The following TNFRSF14 variants were observed in gnomAD, a reference collection of about 807,000 sequenced individuals.
The protein encoded by TNFRSF14 is TNF receptor superfamily member 14.
Under a neutral mutation model 34.1 loss-of-function variants are expected in TNFRSF14, and 18 were observed. That is an observed-to-expected ratio of 0.53 (90% CI 0.36 to 0.78). The LOEUF is 0.78. Among genes scored for constraint, TNFRSF14 ranks in the 30% least tolerant of loss-of-function variants. TNFRSF14 has a pLI of 0.00. For synonymous variants in TNFRSF14, 157 were observed against 153.2 expected, an observed-to-expected ratio of 1.02 and a Z score of -0.18; for missense variants, 352 against 379.5, an observed-to-expected ratio of 0.93 and a Z score of 0.60.
At position 2,562,905 on chromosome 1, in the gene TNFRSF14, C is replaced by G. The variant is rs762418006; in HGVS notation, c.726+9C>G. 1 of 1,612,770 alleles carries G rather than the reference C, an allele frequency of 6.2e-7. No individual in the cohort carries two copies. Among genetic ancestry groups the G allele is most frequent in the Non-Finnish European group, 8.5e-7 (1 of 1,179,140 alleles). ...TGATCGTCTCCGTCCAGGTATTGAT[C>G]CTCCTCCCCCTCTCCCTCCCCCCTC... On this transcript the variant is annotated intron_variant, in intron 7 of 7. Coordinates refer to ENST00000355716, the MANE Select transcript of TNFRSF14 (RefSeq NM_003820.4).
rs1347258296 is a variant in TNFRSF14 at position 2,558,773 on chromosome 1, G to A, written c.304+305G>A. ...CGGGGTGGGTGCCCAGACCTCTCCT[G>A]TGCCCACGTCCCTAGCTGCAAAGTG... is the stretch of plus-strand genomic sequence containing the variant. On this transcript the variant is annotated intron_variant, in intron 3 of 7. Transcript: ENST00000355716. 8 of 1,294,140 alleles carry A rather than the reference G, an allele frequency of 6.2e-6. No homozygotes were observed. The Admixed American group carries it at 9.1e-5, about 15-fold the overall frequency. The allele number at this position is 1,294,140 out of a possible 1,614,324, so 80.2% of individuals were successfully genotyped here.
chr1:2,563,378 G>A lies in TNFRSF14; in HGVS notation c.*105G>A, dbSNP rs1041301646. 8.5e-6 allele frequency: 13 copies of A among 1,535,144 alleles called. No individual in the cohort carries two copies. Among genetic ancestry groups the A allele is most frequent in the South Asian group, 4.9e-5 (4 of 81,108 alleles). Reference sequence around the variant, plus strand: ...CGGAGCCCGGAGGCTTGGGGGCTCCGCCCTGGGCTGGCTTCCGTCTCCTCC... The same window carrying A: ...CGGAGCCCGGAGGCTTGGGGGCTCCACCCTGGGCTGGCTTCCGTCTCCTCC... On this transcript the variant is annotated 3_prime_UTR_variant, in exon 8 of 8. Coordinates refer to ENST00000355716, the MANE Select transcript of TNFRSF14 (RefSeq NM_003820.4).
At position 2,561,737 on chromosome 1, in the gene TNFRSF14, C is replaced by G. The variant is rs1329796210; in HGVS notation, c.616C>G (p.Leu206Val). 6.2e-7 allele frequency: 1 copy of G among 1,613,552 alleles called. No homozygotes were observed. Among genetic ancestry groups the G allele is most frequent in the Non-Finnish European group, 8.5e-7 (1 of 1,180,004 alleles). Residue 206 changes from leucine (L) to valine (V), a missense_variant, in exon 6 of 8, where the codon CTC becomes GTC. Transcript: ENST00000355716. The surrounding 1 kb of genome is among the most constrained non-coding windows in gnomAD (Gnocchi z 6.0). ...CAGCTCCCACTGGGTATGGTGGTTTCTCTCAGGGAGCCTCGTCATCGTCAT... is the reference window on the plus strand; with the variant it reads ...CAGCTCCCACTGGGTATGGTGGTTTGTCTCAGGGAGCCTCGTCATCGTCAT... ...TSSSHWVWWF[L>V]SGSLVIVIVC...
At chr1:2,556,842 C>A (rs761892992) in intron 1 of TNFRSF14, 109 bp downstream of exon 1, 2 of 1,131,402 alleles carry the variant, frequency 1.8e-6, no homozygotes, top group Non-Finnish European at 2.5e-6. Flanking sequence ...CTGGCTCCGG[C>A]GTCCAGCCCG....
chr1:2,558,832 C>T, intron 3 of TNFRSF14: 2 of 1,321,796 alleles, frequency 1.5e-6, no homozygotes, highest in Non-Finnish European at 2.0e-6. Context: ...CCGGCCGGCA[C>T]TCGGGCCTGC....
chr1:2,560,631 GAGTC>G lies in TNFRSF14; in HGVS notation c.471_474del (p.Ser157ArgfsTer32). 6.2e-7 allele frequency: 1 copy of G among 1,613,216 alleles called. No individual in the cohort carries two copies. The highest frequency in any genetic ancestry group is 8.5e-7 in the Non-Finnish European group (1 of 1,179,802). ...CCGTCCCTCTCTTCTCAGGCACCGA[GAGTC>G]AGGACACCCTGTGTCAGAACTGCCC... On this transcript the variant is annotated frameshift_variant, in exon 5 of 8. Coordinates refer to ENST00000355716, the MANE Select transcript of TNFRSF14 (RefSeq NM_003820.4). LOFTEE classifies it high-confidence loss of function.
intron 2 of TNFRSF14, 41 bp from the exon 3 acceptor site, chr1:2,558,302 C>A: frequency 6.4e-7 from 1 of 1,571,520 alleles, no homozygotes. Flanking sequence ...CCCGAAGGGG[C>A]CTCCCGCAGA....
chr1:2,563,219 G>T lies in TNFRSF14; in HGVS notation c.798G>T (p.Thr266=), dbSNP rs780319349. 1 of 1,613,362 alleles carries T rather than the reference G, an allele frequency of 6.2e-7. No homozygotes were observed. Among genetic ancestry groups the T allele is most frequent in the South Asian group, 1.1e-5 (1 of 91,094 alleles). ...EALQAPPDVT[T]VAVEETIPSF... The stretch of plus-strand genomic sequence containing the variant: ...TGCAGGCCCCTCCGGACGTCACCAC[G>T]GTGGCCGTGGAGGAGACAATACCCT... The change falls in exon 8 of 8, where the codon ACG becomes ACT. Residue 266 remains threonine (T), a synonymous_variant. Transcript: ENST00000355716.
intron 3 of TNFRSF14, chr1:2,558,683 GC>G: frequency 8.8e-7 from 1 of 1,129,998 alleles, no homozygotes; most frequent in Non-Finnish European, 1.2e-6. Context: ...CTTTGTCACC[GC>G]CAGGTGGGCC....
At position 2,563,500 on chromosome 1, in the gene TNFRSF14, T is replaced by C; in HGVS notation, c.*227T>C. On this transcript the variant is annotated 3_prime_UTR_variant, in exon 8 of 8. Transcript: ENST00000355716. ...AGGGCCTGGGGCCTCTGTTCTGCTG[T>C]GGCCTGAGCTCCCCAGAGTCCTGAG... The C allele has an allele frequency of 1.6e-6, 1 of 616,344 alleles. No homozygotes were observed. 38.2% of individuals were successfully genotyped at this position (616,344 alleles called of 1,614,324 possible).
rs1293339837 is a variant in TNFRSF14, at chr1:2,556,738, G to A, written c.69+5G>A. 2.5e-6 allele frequency: 4 copies of A among 1,588,188 alleles called. No individual in the cohort carries two copies. The highest frequency in any genetic ancestry group is 3.4e-6 in the Non-Finnish European group (4 of 1,168,512). On this transcript the variant is annotated splice_donor_5th_base_variant and intron_variant, in intron 1 of 7. Coordinates refer to ENST00000355716, the MANE Select transcript of TNFRSF14 (RefSeq NM_003820.4). ...AAAACCGACGTCTTGAGGCTGGTGA[G>A]CCCCCGAGCCTCCTCTCCGTCTGCT...
At chr1:2,559,727 C>A in intron 3 of TNFRSF14, 96 bp from the exon 4 acceptor site, 1 of 1,538,536 alleles carries the variant, frequency 6.5e-7, no homozygotes, top group South Asian at 1.2e-5. Context: ...GGCAGGGCGC[C>A]CTGGCAGCAG....
chr1:2,562,946 C>T (rs1195981812), intron 7 of TNFRSF14, 50 bp downstream of exon 7: 10 of 1,565,486 alleles, frequency 6.4e-6, no homozygotes, highest in South Asian at 3.4e-5. Context: ...TCCCACCTCC[C>T]CTCTCCCCGC....
At chr1:2,559,243 C>T (rs546395171) in intron 3 of TNFRSF14, 25 of 1,369,692 alleles carry the variant, frequency 1.8e-5, no homozygotes, top group African/African-American at 1.0e-4. Context: ...ACACCTCAAC[C>T]TGCATGCCCA....
At chr1:2,562,712 C>T (rs1368978163) in intron 6 of TNFRSF14, 153 bp from the exon 7 acceptor site, 3 of 1,011,116 alleles carry the variant, frequency 3.0e-6, no homozygotes, top group East Asian at 4.7e-5. Context: ...CAGTTGGCCT[C>T]CTCTGCTCTC....
chr1:2,562,205 CCATT>C (rs530382434), intron 6 of TNFRSF14: 195 of 291,382 alleles, frequency 6.7e-4, no homozygotes, highest in South Asian at 1.2e-3. Context: ...GAGAGTAAGG[CCATT>C]CATTCATTCA....
At chr1:2,559,610 C>G in intron 3 of TNFRSF14, 1 of 1,533,826 alleles carries the variant, frequency 6.5e-7, no homozygotes, top group African/African-American at 1.4e-5. Flanking sequence ...CCTGCAAGCC[C>G]TCGTCCCACA....
Position 2,561,064 on chromosome 1 carries a change from G to T in TNFRSF14, c.551+350G>T. On this transcript the variant is annotated intron_variant, in intron 5 of 7. Transcript: ENST00000355716. The surrounding 1 kb of genome is among the most constrained non-coding windows in gnomAD (Gnocchi z 6.0). ...ATGGGAGGGCCCCTGGGCTTCAGGG[G>T]TTGGGGAAAGTGAACACTCTGCTCT... 1 of 359,382 alleles carries T rather than the reference G, an allele frequency of 2.8e-6. No individual in the cohort carries two copies. 22.3% of individuals were successfully genotyped at this position (359,382 alleles called of 1,614,324 possible). A position where few individuals can be genotyped will look rare whatever the true frequency, so the allele number is the denominator to read the frequency against.
chr1:2,561,524 A>G lies in TNFRSF14; in HGVS notation c.552-149A>G. ...CTTGGAAAAGTCAGACAGACCTCTG[A>G]GGTCTCATCCTGGAGCTGCCACCAG... On this transcript the variant is annotated intron_variant, in intron 5 of 7. Transcript: ENST00000355716. The surrounding 1 kb of genome is among the most constrained non-coding windows in gnomAD (Gnocchi z 6.0). 1.3e-6 allele frequency: 2 copies of G among 1,553,386 alleles called. No homozygotes were observed. Among genetic ancestry groups the G allele is most frequent in the South Asian group, 1.2e-5 (1 of 85,662 alleles).
Sources: allele counts gnomAD v4.1 joint callset, GRCh38; gene constraint gnomAD v4.1.1; non-coding constraint Gnocchi (gnomAD v3.1); transcripts MANE v1.5; gene names NCBI Gene and HGNC (gene_info 2026-07-23, HGNC 2026-07-21).